The following ATXN1 variants were observed in gnomAD, a reference collection of about 807,000 sequenced individuals.
ATXN1 encodes the protein ataxin-1.
A neutral mutation model predicts 56.4 loss-of-function variants in ATXN1; 8 were observed. The observed-to-expected ratio is 0.14, with a 90% confidence interval of 0.08 to 0.26. ATXN1 has a LOEUF of 0.26. Among genes scored for constraint, ATXN1 ranks in the 10% least tolerant of loss-of-function variants. The pLI is 1.00. For synonymous variants in ATXN1, 514 were observed against 494.6 expected, an observed-to-expected ratio of 1.04 and a Z score of -0.52; for missense variants, 987 against 1,106.5, an observed-to-expected ratio of 0.89 and a Z score of 1.53.
intron 6 of ATXN1, among the ~76,000 whole-genome samples, chr6:16,432,179 A>G (rs1759298347): frequency 6.6e-6 from 1 of 152,230 alleles, no homozygotes; most frequent in Admixed American, 6.5e-5. Flanking sequence ...GTCACTGGTT[A>G]TTGCTGCATT....
intron 4 of ATXN1, 130 bp from the exon 5 acceptor site, chr6:16,522,818 A>G (rs981445021): frequency 6.6e-6 from 1 of 152,224 alleles, no homozygotes; most frequent in Non-Finnish European, 1.5e-5. Context: ...GTGCACAATA[A>G]ATGTCTGAAG....
chr6:16,394,709 T>C (rs1163610725), intron 6 of ATXN1, among the ~76,000 whole-genome samples: 1 of 152,186 alleles, frequency 6.6e-6, no homozygotes, highest in Non-Finnish European at 1.5e-5. Context: ...ACTAGATCCA[T>C]AAACCATTTT....
chr6:16,327,434 A>G lies in ATXN1; in HGVS notation c.877T>C (p.Tyr293His), dbSNP rs1291378719. Reference protein sequence around the residue: ...LGPPSQVVMQYADSGSHFVPR... With the variant: ...LGPPSQVVMQHADSGSHFVPR... ...ACAAAGTGGCTGCCGGAGTCGGCGT[A>G]TTGCATGACGACCTGGGAGGGGGGC... Residue 293 changes from tyrosine (Y) to histidine (H), a missense_variant, in exon 7 of 8, where the codon TAC becomes CAC. By Grantham distance (83) the Tyr-to-His change is moderately conservative (BLOSUM62 2). Transcript: ENST00000436367. The G allele has an allele frequency of 1.2e-6, 2 of 1,613,428 alleles. No individual in the cohort carries two copies. The highest frequency in any genetic ancestry group is 1.7e-6 in the Non-Finnish European group (2 of 1,179,950).
At chr6:16,549,844 C>T (rs911012213) in intron 4 of ATXN1, among the ~76,000 whole-genome samples, 1 of 139,166 alleles carries the variant, frequency 7.2e-6, no homozygotes, top group Non-Finnish European at 1.5e-5. Flanking sequence ...TGTGGTGAGC[C>T]GAGATCGCAC....
chr6:16,686,362 G>T (rs992695931), intron 2 of ATXN1, among the ~76,000 whole-genome samples: 1 of 152,156 alleles, frequency 6.6e-6, no homozygotes, highest in African/African-American at 2.4e-5. Flanking sequence ...ATAACGCACT[G>T]TGAATTAGTG....
intron 6 of ATXN1, among the ~76,000 whole-genome samples, chr6:16,385,096 G>C (rs914818709): frequency 2.0e-5 from 3 of 152,176 alleles, no homozygotes; most frequent in Admixed American, 6.5e-5. Context: ...TGCATGTGAT[G>C]TGAGAGGGAA....
At chr6:16,607,163 C>T (rs531907410) in intron 3 of ATXN1, among the ~76,000 whole-genome samples, 35 of 152,250 alleles carry the variant, frequency 2.3e-4, no homozygotes, top group Non-Finnish European at 4.3e-4. Context: ...CATGAGCCAC[C>T]GCGTCCGGCC....
At chr6:16,628,078 C>T (rs989762822) in intron 3 of ATXN1, among the ~76,000 whole-genome samples, 1 of 152,168 alleles carries the variant, frequency 6.6e-6, no homozygotes, top group African/African-American at 2.4e-5. Flanking sequence ...AATAGCAGCA[C>T]AAATAAAAAT....
intron 6 of ATXN1, among the ~76,000 whole-genome samples, chr6:16,391,836 A>G (rs1758360605): frequency 6.6e-6 from 1 of 151,988 alleles, no homozygotes. Flanking sequence ...CAGTCTTTTT[A>G]TTTCTCTGCC....
chr6:16,424,574 C>G (rs1759110146), intron 6 of ATXN1, among the ~76,000 whole-genome samples: 1 of 152,188 alleles, frequency 6.6e-6, no homozygotes, highest in African/African-American at 2.4e-5. Flanking sequence ...ACAAAGTGGC[C>G]ATTTTATGGG....
chr6:16,353,771 A>G (rs1432902767), intron 6 of ATXN1, among the ~76,000 whole-genome samples: 3 of 152,242 alleles, frequency 2.0e-5, no homozygotes, highest in Non-Finnish European at 4.4e-5. Flanking sequence ...TAAATAAATA[A>G]AAACTGCTAC....
chr6:16,453,256 C>T (rs1235645906), intron 6 of ATXN1, among the ~76,000 whole-genome samples: 16 of 151,990 alleles, frequency 1.1e-4, no homozygotes, highest in East Asian at 1.9e-4. Context: ...GTCAGGAGAT[C>T]GAGACCATCC....
At chr6:16,591,857 C>CA (rs3842615) in intron 3 of ATXN1, among the ~76,000 whole-genome samples, 42 of 151,640 alleles carry the variant, frequency 2.8e-4, no homozygotes, top group African/African-American at 7.3e-4. Flanking sequence ...AGGTTAAAGC[C>CA]AAAAAAAATC....
rs367910910 is a variant in ATXN1, at chr6:16,327,444, G to A, written c.867C>T (p.Val289=). The A allele has an allele frequency of 4.8e-5, 77 of 1,613,536 alleles. No homozygotes were observed. Among genetic ancestry groups the A allele is most frequent in the Admixed American group, 4.0e-4 (24 of 60,000 alleles). The part of the protein sequence containing the change: ...HTLTLGPPSQ[V]VMQYADSGSH... ...TGCCGGAGTCGGCGTATTGCATGAC[G>A]ACCTGGGAGGGGGGCCCCAGGGTGA... The change falls in exon 7 of 8, where the codon GTC becomes GTT. Residue 289 remains valine (V), a synonymous_variant. Coordinates refer to ENST00000436367, the MANE Select transcript of ATXN1 (RefSeq NM_001128164.2).
rs186948401 is a variant in ATXN1, at chr6:16,497,981, T to A, written c.-298-11872A>T. On this transcript the variant is annotated intron_variant, in intron 5 of 7. Transcript: ENST00000436367. ...GAGATGGGGTCAAAGGGGTATTTTTTAATGAAGATAAAATTCACATAAAAC... is the reference window on the plus strand; with the variant it reads ...GAGATGGGGTCAAAGGGGTATTTTTAAATGAAGATAAAATTCACATAAAAC... Among the ~76,000 whole-genome samples the A allele has an allele frequency of 3.0e-3, 459 of 152,338 alleles. 2 individuals carry two copies. The highest frequency in any genetic ancestry group is 0.011 in the African/African-American group (442 of 41,572).
chr6:16,580,336 G>GA (rs1476091655), intron 4 of ATXN1, among the ~76,000 whole-genome samples: 1 of 152,108 alleles, frequency 6.6e-6, no homozygotes, highest in Non-Finnish European at 1.5e-5. Context: ...ACCTCTAAGA[G>GA]AAAAAAATAG....
At chr6:16,490,509 G>C (rs1295573315) in intron 5 of ATXN1, among the ~76,000 whole-genome samples, 1 of 152,138 alleles carries the variant, frequency 6.6e-6, no homozygotes, top group Non-Finnish European at 1.5e-5. Flanking sequence ...ACTTTTCTCT[G>C]TGTTAGTAAC....
intron 5 of ATXN1, among the ~76,000 whole-genome samples, chr6:16,520,143 C>T (rs1006850866): frequency 6.6e-6 from 1 of 152,166 alleles, no homozygotes; most frequent in East Asian, 1.9e-4. Context: ...AAAGAGATAC[C>T]ATTGATGGTG....
rs1374670161 is a variant in ATXN1 at position 16,753,641 on chromosome 6, T to A, written c.-729-294A>T. On this transcript the variant is annotated intron_variant, in intron 1 of 7. Transcript: ENST00000436367. ...CAGCCGCTGTCATTCTTTTCTCCAA[T>A]GATTCTAGCCAATCATCTGATAAAC... Among the ~76,000 whole-genome samples, 12 of 152,188 alleles carry A rather than the reference T, an allele frequency of 7.9e-5. No homozygotes were observed. In the East Asian group the frequency reaches 1.9e-3, roughly 24 times the overall value.
Sources: allele counts gnomAD v4.1 joint callset (sites outside exome capture counted in the v4.1 genomes callset), GRCh38; gene constraint gnomAD v4.1.1; transcripts MANE v1.5; gene names NCBI Gene and HGNC (gene_info 2026-07-23, HGNC 2026-07-21).